ARB2A: variants seen among roughly 807,000 people sequenced by gnomAD.
ARB2A encodes cotranscriptional regulator ARB2A.
chr5:93,888,345 C>T, the ARB2A span, among the ~76,000 whole-genome samples: 1 of 151,796 alleles, frequency 6.6e-6, no homozygotes, highest in South Asian at 2.1e-4. Context: ...ATACATTAAA[C>T]TAAAAAGAAG....
chr5:94,062,594 G>A, the ARB2A span, among the ~76,000 whole-genome samples: 1 of 151,998 alleles, frequency 6.6e-6, no homozygotes, highest in African/African-American at 2.4e-5. Context: ...AAACCCCATG[G>A]GCCCTGAGAA....
chr5:93,980,078 C>G, the ARB2A span, among the ~76,000 whole-genome samples: 2 of 152,124 alleles, frequency 1.3e-5, no homozygotes, highest in African/African-American at 2.4e-5. Flanking sequence ...TTCCTTTACA[C>G]TGCTCACAGC....
chr5:94,100,797 T>C, the ARB2A span, among the ~76,000 whole-genome samples: 1 of 152,184 alleles, frequency 6.6e-6, no homozygotes, highest in Non-Finnish European at 1.5e-5. Context: ...TCAAATGGAT[T>C]ACAGATTTAA....
At chr5:94,101,970 G>GA in the ARB2A span, among the ~76,000 whole-genome samples, 30 of 142,556 alleles carry the variant, frequency 2.1e-4, no homozygotes, top group Middle Eastern at 3.5e-3. Flanking sequence ...GAATAACCAG[G>GA]AAAAAAAAAA....
the ARB2A span, among the ~76,000 whole-genome samples, chr5:94,069,155 T>C: frequency 6.6e-6 from 1 of 152,086 alleles, no homozygotes; most frequent in Non-Finnish European, 1.5e-5. Context: ...AGTCAACTGA[T>C]TTTCAACAAA....
chr5:93,834,004 T>G, the ARB2A span, among the ~76,000 whole-genome samples: 1 of 152,228 alleles, frequency 6.6e-6, no homozygotes, highest in Non-Finnish European at 1.5e-5. Flanking sequence ...CCACCTTTGG[T>G]AGTCCCTAAT....
chr5:93,621,350 C>CT, the ARB2A span, among the ~76,000 whole-genome samples: 1 of 152,058 alleles, frequency 6.6e-6, no homozygotes, highest in Non-Finnish European at 1.5e-5. Flanking sequence ...ACAACTAGGG[C>CT]TGCGGGGTCA....
chr5:94,038,939 A>G, the ARB2A span, among the ~76,000 whole-genome samples: 3 of 152,148 alleles, frequency 2.0e-5, no homozygotes, highest in South Asian at 4.1e-4. Flanking sequence ...AGTAAACTCA[A>G]ATTTCCACTA....
the ARB2A span, among the ~76,000 whole-genome samples, chr5:93,923,008 G>A: frequency 3.4e-4 from 51 of 151,628 alleles, no homozygotes; most frequent in African/African-American, 1.1e-3. Flanking sequence ...ATACTGCCTC[G>A]TCTGGCTTCC....
the ARB2A span, among the ~76,000 whole-genome samples, chr5:93,812,340 G>C: frequency 1.3e-5 from 2 of 151,938 alleles, no homozygotes; most frequent in African/African-American, 2.4e-5. Flanking sequence ...TAATATATAG[G>C]CCACTGATCT....
the ARB2A span, among the ~76,000 whole-genome samples, chr5:93,771,400 G>C: frequency 6.6e-6 from 1 of 151,278 alleles, no homozygotes; most frequent in Admixed American, 6.6e-5. Flanking sequence ...CATGGGCAAG[G>C]ACTTCATGTC....
the ARB2A span, among the ~76,000 whole-genome samples, chr5:93,851,925 T>A: frequency 6.6e-6 from 1 of 152,214 alleles, no homozygotes. Flanking sequence ...CAAGTGCATG[T>A]GTCTTTATAG....
chr5:93,848,077 C>T, the ARB2A span, among the ~76,000 whole-genome samples: 4 of 152,088 alleles, frequency 2.6e-5, no homozygotes, highest in Admixed American at 6.6e-5. Flanking sequence ...AATTAAATAT[C>T]CAAATTTTTT....
chr5:93,800,267 A>G, the ARB2A span, among the ~76,000 whole-genome samples: 3 of 152,058 alleles, frequency 2.0e-5, no homozygotes, highest in Non-Finnish European at 4.4e-5. Flanking sequence ...TTCAGGATGT[A>G]AAACATATGC....
At chr5:94,019,705 T>C in the ARB2A span, among the ~76,000 whole-genome samples, 1 of 152,144 alleles carries the variant, frequency 6.6e-6, no homozygotes. Context: ...AGTTCAACCA[T>C]TGTGGAAGAC....
chr5:93,897,688 T>C, the ARB2A span, among the ~76,000 whole-genome samples: 7 of 151,934 alleles, frequency 4.6e-5, no homozygotes, highest in African/African-American at 1.7e-4. Flanking sequence ...AGTAATTCTG[T>C]AGAGATCCTT....
chr5:93,654,412 C>T, the ARB2A span, among the ~76,000 whole-genome samples: 98 of 152,288 alleles, frequency 6.4e-4, no homozygotes, highest in Admixed American at 7.2e-4. Flanking sequence ...TTTCCTCAGC[C>T]TGACATGTCT....
the ARB2A span, among the ~76,000 whole-genome samples, chr5:93,912,429 G>T: frequency 6.6e-6 from 1 of 151,714 alleles, no homozygotes; most frequent in East Asian, 1.9e-4. Context: ...CTGATTCAAC[G>T]TGTCCATTTT....
chr5:93,663,839 T>C, the ARB2A span, among the ~76,000 whole-genome samples: 1 of 152,210 alleles, frequency 6.6e-6, no homozygotes. Context: ...AATGAAATAT[T>C]ATATCTTTTT....
Sources: allele counts gnomAD v4.1 joint callset (sites outside exome capture counted in the v4.1 genomes callset), GRCh38; gene constraint gnomAD v4.1.1; transcripts MANE v1.5; gene names NCBI Gene and HGNC (gene_info 2026-07-23, HGNC 2026-07-21).